TENT2: variants seen among roughly 807,000 people sequenced by gnomAD.
TENT2 encodes terminal nucleotidyltransferase 2.
In TENT2, 44 loss-of-function variants were observed where a neutral mutation model predicts 72.2. The ratio of observed to expected loss-of-function variants is 0.61; its 90% CI spans 0.48 to 0.78. The LOEUF (loss-of-function observed/expected upper bound fraction) is 0.78. TENT2 is among the 30% of genes least tolerant of loss of function. TENT2 has a pLI of 0.00. For missense variants in TENT2, 541 were observed against 569.6 expected, an observed-to-expected ratio of 0.95 and a Z score of 0.51; for synonymous variants, 212 against 192.5, an observed-to-expected ratio of 1.10 and a Z score of -0.84.
At chr5:79,653,144 A>G (rs1323240265) in intron 10 of TENT2, among the ~76,000 whole-genome samples, 1 of 152,108 alleles carries the variant, frequency 6.6e-6, no homozygotes, top group Non-Finnish European at 1.5e-5. Flanking sequence ...AGAAAAATGT[A>G]CGTAAATCAC....
intron 8 of TENT2, 45 bp from the exon 9 acceptor site, chr5:79,648,572 T>G (rs1364476761): frequency 7.4e-7 from 1 of 1,352,292 alleles, no homozygotes; most frequent in African/African-American, 1.5e-5. Flanking sequence ...AGTTTTTTTG[T>G]TCTTCAGCTA....
At chr5:79,654,445 A>T (rs1796445035) in intron 10 of TENT2, among the ~76,000 whole-genome samples, 1 of 152,010 alleles carries the variant, frequency 6.6e-6, no homozygotes, top group Non-Finnish European at 1.5e-5. Flanking sequence ...AAAAAAAAGT[A>T]ATGAAAAAGG....
chr5:79,615,896 G>A (rs909584447), intron 1 of TENT2, among the ~76,000 whole-genome samples: 10 of 145,270 alleles, frequency 6.9e-5, no homozygotes, highest in Admixed American at 6.8e-4. Context: ...TTGTGTGTTT[G>A]TTTTTTTTTT....
chr5:79,640,030 G>A (rs1783149269), intron 4 of TENT2, among the ~76,000 whole-genome samples: 1 of 152,152 alleles, frequency 6.6e-6, no homozygotes, highest in Admixed American at 6.5e-5. Context: ...GCTGAGGCAG[G>A]CAGATCACTT....
chr5:79,685,108 A>C (rs1173682264), intron 14 of TENT2, 91 bp from the exon 15 acceptor site: 1 of 1,016,112 alleles, frequency 9.8e-7, no homozygotes, highest in African/African-American at 1.7e-5. Flanking sequence ...TATCACCTAG[A>C]GAGAACCAAC....
At chr5:79,664,262 G>T (rs1805439041) in intron 11 of TENT2, among the ~76,000 whole-genome samples, 1 of 151,988 alleles carries the variant, frequency 6.6e-6, no homozygotes. Flanking sequence ...TGTAAGGAAG[G>T]GATCCATCAA....
rs576628087 is a variant in TENT2, at chr5:79,636,498, C to T, written c.466-4353C>T. Among the ~76,000 whole-genome samples, 6 of 152,308 alleles carry T rather than the reference C, an allele frequency of 3.9e-5. No homozygotes were observed. The South Asian group carries it at 6.2e-4, about 16-fold the overall frequency. ...GTAGTGTTATATTAAGTATAGAAGT[C>T]AGGTAGGTTAAATTCCCCAATTTTT... On this transcript the variant is annotated intron_variant, in intron 4 of 14. Transcript: ENST00000453514.
chr5:79,682,039 T>C lies in TENT2; in HGVS notation c.1358T>C (p.Met453Thr). 1 of 1,613,160 alleles carries C rather than the reference T, an allele frequency of 6.2e-7. No individual in the cohort carries two copies. The highest frequency in any genetic ancestry group is 1.1e-5 in the South Asian group (1 of 90,928). ...GTGCACGAAAAGCAGAAATTTGATA[T>C]GATCAAGGATCAATTTTTAAAGGTA... ...RAVHEKQKFD[M>T]IKDQFLKSWH... is the part of the protein sequence containing the mutation. The change falls in exon 14 of 15, where the codon ATG becomes ACG. Residue 453 changes from methionine to threonine, a missense_variant. Physicochemically the swap from Met to Thr is moderately conservative, Grantham distance 81. Transcript: ENST00000453514.
intron 3 of TENT2, among the ~76,000 whole-genome samples, chr5:79,621,480 C>T (rs563185554): frequency 2.3e-4 from 35 of 152,114 alleles, no homozygotes; most frequent in East Asian, 7.7e-4. Flanking sequence ...TCCCTTAGGC[C>T]GGGCGCAGTG....
chr5:79,643,099 A>G (rs1427226482), intron 7 of TENT2, 189 bp downstream of exon 7: 1 of 527,462 alleles, frequency 1.9e-6, no homozygotes, highest in African/African-American at 2.1e-5. Flanking sequence ...ACATATCTTT[A>G]TTGCACTTAC....
At chr5:79,615,291 T>A (rs984682620) in intron 1 of TENT2, 1 of 152,216 alleles carries the variant, frequency 6.6e-6, no homozygotes, top group Admixed American at 6.5e-5. Context: ...CCTGGGCTCT[T>A]GATGTCATTT....
chr5:79,663,326 T>G (rs1048875420), intron 11 of TENT2, among the ~76,000 whole-genome samples: 1 of 152,228 alleles, frequency 6.6e-6, no homozygotes, highest in Non-Finnish European at 1.5e-5. Context: ...GAACTTTTCC[T>G]TTGCATTCGC....
Position 79,685,194 on chromosome 5 carries a change from C to T in TENT2, c.1381-5C>T, listed in dbSNP as rs767896169. On this transcript the variant is annotated splice_polypyrimidine_tract_variant and splice_region_variant and intron_variant, in intron 14 of 14. Transcript: ENST00000453514. ...TTTTAAGAATGATTTTTCTTTCTCT[C>T]CCAGTCATGGCACAGATTGAAAAAC... is the stretch of plus-strand genomic sequence containing the variant. 6 of 1,598,696 alleles carry T rather than the reference C, an allele frequency of 3.8e-6. No individual in the cohort carries two copies. The highest frequency in any genetic ancestry group is 2.3e-5 in the South Asian group (2 of 88,294).
intron 11 of TENT2, among the ~76,000 whole-genome samples, chr5:79,663,697 T>C (rs918165687): frequency 3.9e-5 from 6 of 152,120 alleles, no homozygotes; most frequent in African/African-American, 1.4e-4. Context: ...TGATCACAGA[T>C]CACCATAAGA....
rs1217410748 is a variant in TENT2 at position 79,687,412 on chromosome 5, T to A, written c.*2139T>A. 1.3e-5 allele frequency among the ~76,000 whole-genome samples: 2 copies of A among 152,178 alleles called. No homozygotes were observed. Among genetic ancestry groups the A allele is most frequent in the Non-Finnish European group, 2.9e-5 (2 of 68,018 alleles). On this transcript the variant is annotated 3_prime_UTR_variant, in exon 15 of 15. Coordinates refer to ENST00000453514, the MANE Select transcript of TENT2 (RefSeq NM_001114394.3). ...AGGGATTGATTCCAGGTCAACCCCG[T>A]CCTCTTCAGATACCAAAATCCACAG...
intron 4 of TENT2, among the ~76,000 whole-genome samples, chr5:79,636,703 G>C (rs1279607770): frequency 6.6e-6 from 1 of 152,058 alleles, no homozygotes; most frequent in African/African-American, 2.4e-5. Flanking sequence ...TGACATCCTT[G>C]ACAATAGTCT....
chr5:79,658,638 T>C (rs139838061), intron 11 of TENT2, among the ~76,000 whole-genome samples: 5 of 152,340 alleles, frequency 3.3e-5, no homozygotes, highest in African/African-American at 1.2e-4. Flanking sequence ...ATATGTTCTT[T>C]AGCAAAGGAG....
At chr5:79,643,367 C>T (rs935592146) in intron 7 of TENT2, among the ~76,000 whole-genome samples, 1 of 152,134 alleles carries the variant, frequency 6.6e-6, no homozygotes, top group African/African-American at 2.4e-5. Flanking sequence ...TGTATTACTT[C>T]AACAGAAAGC....
intron 12 of TENT2, among the ~76,000 whole-genome samples, chr5:79,671,749 T>C (rs1379422457): frequency 1.3e-5 from 2 of 152,158 alleles, no homozygotes; most frequent in Non-Finnish European, 2.9e-5. Context: ...TAAGTGACTG[T>C]TAAGGGATGC....
Sources: gnomAD v4.1 joint callset for allele counts (sites outside exome capture counted in the v4.1 genomes callset) on GRCh38, gnomAD v4.1.1 for gene constraint, MANE v1.5 for transcripts, NCBI Gene and HGNC (gene_info 2026-07-23, HGNC 2026-07-21) for gene names.